The following SPAG6 variants were observed in gnomAD, a reference collection of about 807,000 sequenced individuals.
SPAG6 encodes sperm-associated antigen 6.
SPAG6 carries 49 observed loss-of-function variants against 58.5 expected under a neutral mutation model. That is an observed-to-expected ratio of 0.84 (90% confidence interval 0.67 to 1.06). The LOEUF (loss-of-function observed/expected upper bound fraction) is 1.06, where lower values mean the gene tolerates loss of function less well. Among genes scored for constraint, SPAG6 ranks in the 50% least tolerant of loss-of-function variants. SPAG6 has a pLI of 0.00. For missense variants in SPAG6, 560 were observed against 611.3 expected (o/e 0.92, Z 0.89); for synonymous variants, 233 against 225.6 (o/e 1.03, Z -0.29).
chr10:22,407,452 G>A (rs1486101314), intron 9 of SPAG6, among the ~76,000 whole-genome samples: 2 of 152,060 alleles, frequency 1.3e-5, no homozygotes, highest in South Asian at 2.1e-4. Flanking sequence ...CTTTAAGAAT[G>A]TTGAATATTG....
At chr10:22,360,825 C>T in intron 2 of SPAG6, 4 of 1,533,354 alleles carry the variant, frequency 2.6e-6, no homozygotes, top group Non-Finnish European at 3.5e-6. Context: ...AATTTCCATG[C>T]ATTCACTCAC....
At position 22,409,904 on chromosome 10, in the gene SPAG6, G is replaced by A. The variant is rs1301640702; in HGVS notation, c.1315-1127G>A. 2.0e-5 allele frequency among the ~76,000 whole-genome samples: 3 copies of A among 152,050 alleles called. No homozygotes were observed. The East Asian group carries it at 5.8e-4, about 29-fold the overall frequency. ...AAACCTGCAACATCTTTAGCCTTTA[G>A]TTCTATCCTACCGTGGTCTACTGAT... is the stretch of plus-strand genomic sequence containing the variant. On this transcript the variant is annotated intron_variant, in intron 9 of 10. Coordinates refer to ENST00000376624, the MANE Select transcript of SPAG6 (RefSeq NM_012443.4).
At chr10:22,348,575 C>T (rs570673706) in intron 2 of SPAG6, among the ~76,000 whole-genome samples, 33 of 152,152 alleles carry the variant, frequency 2.2e-4, no homozygotes, top group African/African-American at 6.7e-4. Flanking sequence ...AAATATTTTC[C>T]ATATGGGTAT....
chr10:22,408,774 T>C (rs1290852170), intron 9 of SPAG6, among the ~76,000 whole-genome samples: 1 of 152,262 alleles, frequency 6.6e-6, no homozygotes, highest in East Asian at 1.9e-4. Context: ...ACTGCTGTGC[T>C]AGCAATCAGC....
rs922637119 is a variant in SPAG6, at chr10:22,416,931, G to A, written c.*243G>A. ...AGGTAGATTTTAAAAACACGTTAAA[G>A]GGCCTTAAGGCATTTTGTTATTCTG... is the stretch of plus-strand genomic sequence containing the variant. On this transcript the variant is annotated 3_prime_UTR_variant, in exon 11 of 11. Coordinates refer to ENST00000376624, the MANE Select transcript of SPAG6 (RefSeq NM_012443.4). 1.5e-4 allele frequency: 49 copies of A among 328,026 alleles called. No homozygotes were observed. The highest frequency in any genetic ancestry group is 2.4e-4 in the Non-Finnish European group (43 of 175,914). The allele number at this position is 328,026 out of a possible 1,614,324, so 20.3% of individuals were successfully genotyped here. A position where few individuals can be genotyped will look rare whatever the true frequency, so the allele number is the denominator to read the frequency against.
At chr10:22,362,300 G>A (rs1290346804) in intron 2 of SPAG6, among the ~76,000 whole-genome samples, 4 of 150,410 alleles carry the variant, frequency 2.7e-5, no homozygotes, top group African/African-American at 9.8e-5. Flanking sequence ...AAACTTAATT[G>A]TGATTCTTTA....
chr10:22,414,272 A>C (rs143035514), intron 10 of SPAG6, among the ~76,000 whole-genome samples: 2 of 152,176 alleles, frequency 1.3e-5, no homozygotes, highest in African/African-American at 4.8e-5. Flanking sequence ...GATAAGGTTA[A>C]TTCGCTTACA....
Position 22,364,900 on chromosome 10 carries a change from A to G in SPAG6, c.169A>G (p.Ile57Val), listed in dbSNP as rs756854189. ...TCTTCTTCTGGACGTGGTCCCAACAATTCAACAGACTGCTGCTTTGGCTCT... is the reference window on the plus strand; with the variant it reads ...TCTTCTTCTGGACGTGGTCCCAACAGTTCAACAGACTGCTGCTTTGGCTCT... ...RTLLLDVVPT[I>V]QQTAALALGR... The change falls in exon 3 of 11, where the codon ATT (isoleucine) becomes GTT (valine). Residue 57 changes from isoleucine to valine, a missense_variant. By Grantham distance (29) the Ile-to-Val change is conservative. Coordinates refer to ENST00000376624, the MANE Select transcript of SPAG6 (RefSeq NM_012443.4). 8 of 1,613,508 alleles carry G rather than the reference A, an allele frequency of 5.0e-6. No individual in the cohort carries two copies. The Admixed American group carries it at 6.7e-5, about 13-fold the overall frequency.
intron 2 of SPAG6, among the ~76,000 whole-genome samples, chr10:22,346,446 T>TTCTTCTTCTTCC: frequency 7.3e-6 from 1 of 136,088 alleles, no homozygotes; most frequent in Non-Finnish European, 1.5e-5. Context: ...CTTCTTCTTC[T>TTCTTCTTCTTCC]TCTTCTTCTT....
intron 7 of SPAG6, 52 bp from the exon 8 acceptor site, chr10:22,391,677 C>G: frequency 6.5e-7 from 1 of 1,543,166 alleles, no homozygotes; most frequent in Non-Finnish European, 8.9e-7. Flanking sequence ...ATGGAAGACT[C>G]TTTAATCCTG....
intron 5 of SPAG6, among the ~76,000 whole-genome samples, chr10:22,387,275 T>C (rs1266344037): frequency 6.6e-6 from 1 of 152,198 alleles, no homozygotes; most frequent in Non-Finnish European, 1.5e-5. Flanking sequence ...ACCACTATAA[T>C]ATTGTTTCTT....
chr10:22,371,236 G>T (rs916659324), intron 4 of SPAG6, among the ~76,000 whole-genome samples: 2 of 152,120 alleles, frequency 1.3e-5, no homozygotes, highest in African/African-American at 4.8e-5. Flanking sequence ...TGAAAATGGA[G>T]GATTTACCTC....
Position 22,345,695 on chromosome 10 carries a change from T to TG in SPAG6, c.26-25dup. ...TGGCGCCGAGGAGACCCGGGTGCGG[T>TG]GGGCTCCACCGACTCTCTCTCCCGC... On this transcript the variant is annotated intron_variant, in intron 1 of 10. Transcript: ENST00000376624. The surrounding 1 kb of genome is among the most constrained non-coding windows in gnomAD (Gnocchi z 6.3). 1 of 1,597,962 alleles carries TG rather than the reference T, an allele frequency of 6.3e-7. No individual in the cohort carries two copies. Among genetic ancestry groups the TG allele is most frequent in the South Asian group, 1.1e-5 (1 of 88,714 alleles).
At chr10:22,385,649 A>C (rs1412150996) in intron 4 of SPAG6, among the ~76,000 whole-genome samples, 1 of 152,198 alleles carries the variant, frequency 6.6e-6, no homozygotes, top group Non-Finnish European at 1.5e-5. Flanking sequence ...TAATTTAAGG[A>C]AAGCAAATAT....
intron 8 of SPAG6, among the ~76,000 whole-genome samples, chr10:22,395,792 T>G (rs1202814577): frequency 2.0e-5 from 3 of 152,246 alleles, no homozygotes; most frequent in Non-Finnish European, 2.9e-5. Context: ...CCAAAGGTCA[T>G]AAAGATTTAC....
chr10:22,411,011 T>G lies in SPAG6; in HGVS notation c.1315-20T>G, dbSNP rs769461302. The G allele has an allele frequency of 6.3e-7, 1 of 1,599,806 alleles. No homozygotes were observed. The highest frequency in any genetic ancestry group is 8.5e-7 in the Non-Finnish European group (1 of 1,176,052). ...ACTTGGAAAAGAAAAGCTGACATTTTATGTGCTTCACTTTGCAAGGTGCTG... is the reference window on the plus strand; with the variant it reads ...ACTTGGAAAAGAAAAGCTGACATTTGATGTGCTTCACTTTGCAAGGTGCTG... On this transcript the variant is annotated intron_variant, in intron 9 of 10. Coordinates refer to ENST00000376624, the MANE Select transcript of SPAG6 (RefSeq NM_012443.4).
rs879339928 is a variant in SPAG6, at chr10:22,404,947, T to TGGTGTATA, written c.1314+3671_1314+3678dup. Reference sequence around the variant, plus strand: ...CATGATTTGGCTGTTTGTCTGTTGTTGGTGTATAAGAATGCTTGTGATTTT... The same window carrying TGGTGTATA: ...CATGATTTGGCTGTTTGTCTGTTGTTGGTGTATAGGTGTATAAGAATGCTTGTGATTTT... On this transcript the variant is annotated intron_variant, in intron 9 of 10. Transcript: ENST00000376624. Among the ~76,000 whole-genome samples, 452 of 152,130 alleles carry TGGTGTATA rather than the reference T, an allele frequency of 3.0e-3. 1 individual carries two copies. Among genetic ancestry groups the TGGTGTATA allele is most frequent in the African/African-American group, 0.01 (427 of 41,550 alleles).
At chr10:22,346,915 G>A (rs529792865) in intron 2 of SPAG6, among the ~76,000 whole-genome samples, 3 of 152,252 alleles carry the variant, frequency 2.0e-5, no homozygotes, top group Middle Eastern at 3.4e-3. Context: ...GAGAGATCCC[G>A]TGTACCCTTT....
intron 2 of SPAG6, among the ~76,000 whole-genome samples, chr10:22,349,869 A>T (rs1347786037): frequency 6.6e-6 from 1 of 152,178 alleles, no homozygotes; most frequent in Non-Finnish European, 1.5e-5. Flanking sequence ...AAGTGATTTT[A>T]GATTACATGT....
Sources: gnomAD v4.1 joint callset for allele counts (sites outside exome capture counted in the v4.1 genomes callset) on GRCh38, gnomAD v4.1.1 for gene constraint, Gnocchi (gnomAD v3.1) non-coding constraint, MANE v1.5 for transcripts, NCBI Gene and HGNC (gene_info 2026-07-23, HGNC 2026-07-21) for gene names.